The following DOCK2 variants were observed in gnomAD, a reference collection of about 807,000 sequenced individuals.
DOCK2 encodes dedicator of cytokinesis 2, also known as dedicator of cytokinesis protein 2.
In DOCK2, 87 loss-of-function variants were observed where a neutral mutation model predicts 248.9. That is an observed-to-expected ratio of 0.35 (90% CI 0.29 to 0.42). The LOEUF is 0.42. Among genes scored for constraint, DOCK2 ranks in the 10% least tolerant of loss-of-function variants. The pLI is 1.00. For synonymous variants in DOCK2, 805 were observed against 821.6 expected, an observed-to-expected ratio of 0.98 and a Z score of 0.35; for missense variants, 1,747 against 2,300.2, an observed-to-expected ratio of 0.76 and a Z score of 4.92.
At chr5:169,696,403 G>A (rs185580998) in intron 10 of DOCK2, among the ~76,000 whole-genome samples, 295 of 152,336 alleles carry the variant, frequency 1.9e-3, no homozygotes, top group African/African-American at 6.8e-3. Flanking sequence ...GCATGAGGCT[G>A]CTGTACAGCA....
intron 35 of DOCK2, among the ~76,000 whole-genome samples, chr5:170,036,056 C>G (rs1756312775): frequency 1.3e-5 from 2 of 152,110 alleles, no homozygotes; most frequent in South Asian, 4.1e-4. Flanking sequence ...CCTGATAGTT[C>G]TGCACTATCA....
At chr5:169,906,114 G>A (rs965873857) in intron 27 of DOCK2, among the ~76,000 whole-genome samples, 1 of 152,150 alleles carries the variant, frequency 6.6e-6, no homozygotes, top group Non-Finnish European at 1.5e-5. Flanking sequence ...ACGGTCCTGA[G>A]TTCGACCTTC....
intron 27 of DOCK2, among the ~76,000 whole-genome samples, chr5:169,981,660 T>C (rs1308845970): frequency 6.6e-6 from 1 of 152,160 alleles, no homozygotes; most frequent in Non-Finnish European, 1.5e-5. Flanking sequence ...GCCACTCTAG[T>C]CTTCAGCAAC....
At position 169,712,227 on chromosome 5, in the gene DOCK2, C is replaced by T; in HGVS notation, c.1659+4C>T. On this transcript the variant is annotated splice_donor_region_variant and intron_variant, in intron 17 of 51. Transcript: ENST00000520908. ...CCATGACTTAGTTGTCCTCAAGGTA[C>T]CATGAGTTGGAAGGAGCTCTGCACT... 6.2e-7 allele frequency: 1 copy of T among 1,613,662 alleles called. No homozygotes were observed. The highest frequency in any genetic ancestry group is 1.1e-5 in the South Asian group (1 of 91,076).
At chr5:169,914,758 C>A (rs1294907559) in intron 27 of DOCK2, among the ~76,000 whole-genome samples, 1 of 152,194 alleles carries the variant, frequency 6.6e-6, no homozygotes, top group Non-Finnish European at 1.5e-5. Context: ...GGTCTTTTAG[C>A]CACCTTTGCC....
chr5:169,788,228 C>T (rs1385975446), intron 25 of DOCK2, among the ~76,000 whole-genome samples: 4 of 152,158 alleles, frequency 2.6e-5, no homozygotes, highest in East Asian at 1.9e-4. Context: ...CCTGTACACC[C>T]GTGTGTCATA....
intron 22 of DOCK2, among the ~76,000 whole-genome samples, chr5:169,721,746 T>A (rs1159897762): frequency 6.6e-6 from 1 of 152,232 alleles, no homozygotes; most frequent in Non-Finnish European, 1.5e-5. Context: ...TTTTCCTGTG[T>A]CAGTATGCAA....
In DOCK2 at chr5:169,935,587, C is replaced by T. The variant is rs144768017; in HGVS notation, c.2800-47481C>T. On this transcript the variant is annotated intron_variant, in intron 27 of 51. Coordinates refer to ENST00000520908, the MANE Select transcript of DOCK2 (RefSeq NM_004946.3). Reference sequence around the variant, plus strand: ...CACCAAGACATGCTGGTGGAGAAGTCGGAGTTTTATCACGTCCTACCTACT... The same window carrying T: ...CACCAAGACATGCTGGTGGAGAAGTTGGAGTTTTATCACGTCCTACCTACT... Among the ~76,000 whole-genome samples the T allele has an allele frequency of 4.5e-3, 687 of 152,248 alleles. 3 individuals carry two copies. Among genetic ancestry groups the T allele is most frequent in the Non-Finnish European group, 8.3e-3 (567 of 68,002 alleles).
At chr5:170,061,510 C>T (rs930240405) in intron 44 of DOCK2, among the ~76,000 whole-genome samples, 4 of 152,224 alleles carry the variant, frequency 2.6e-5, no homozygotes, top group Non-Finnish European at 5.9e-5. Context: ...ATGATCATTA[C>T]TTTTATTCCT....
chr5:169,674,480 C>A, intron 6 of DOCK2, 35 bp downstream of exon 6: 3 of 1,609,656 alleles, frequency 1.9e-6, no homozygotes, highest in Non-Finnish European at 2.5e-6. Flanking sequence ...AGGTTTTCTT[C>A]CCCCAGCCAT....
chr5:169,756,753 C>G (rs1259221967), intron 23 of DOCK2, among the ~76,000 whole-genome samples: 1 of 152,038 alleles, frequency 6.6e-6, no homozygotes, highest in Non-Finnish European at 1.5e-5. Flanking sequence ...TGGTGAAACC[C>G]CATCTCAACT....
At chr5:169,838,636 G>A (rs573808811) in intron 26 of DOCK2, among the ~76,000 whole-genome samples, 3 of 152,318 alleles carry the variant, frequency 2.0e-5, no homozygotes, top group Admixed American at 6.5e-5. Context: ...AGTGTCAGGA[G>A]TAGAAAGGGC....
chr5:169,798,779 A>T (rs1453853033), intron 25 of DOCK2, among the ~76,000 whole-genome samples: 1 of 152,176 alleles, frequency 6.6e-6, no homozygotes, highest in African/African-American at 2.4e-5. Context: ...GTGTAGAATG[A>T]CTGACTGAAA....
At chr5:170,029,163 C>T (rs563671449) in intron 34 of DOCK2, among the ~76,000 whole-genome samples, 4 of 152,292 alleles carry the variant, frequency 2.6e-5, no homozygotes, top group African/African-American at 9.6e-5. Flanking sequence ...GACTATTTTC[C>T]AAAGTGGCAG....
intron 27 of DOCK2, among the ~76,000 whole-genome samples, chr5:169,920,063 G>C (rs1011315122): frequency 6.6e-6 from 1 of 152,136 alleles, no homozygotes; most frequent in Non-Finnish European, 1.5e-5. Context: ...ACACAACTTT[G>C]TGAGATAATG....
chr5:169,835,063 T>G (rs434699), intron 26 of DOCK2, among the ~76,000 whole-genome samples: 69,616 of 151,752 alleles, frequency 0.46, 16,876 homozygotes, highest in African/African-American at 0.62. Flanking sequence ...GGGGGTGGCA[T>G]GAAATGAGGA....
Position 169,839,040 on chromosome 5 carries a change from G to A in DOCK2, c.2704-1717G>A, listed in dbSNP as rs370415776. On this transcript the variant is annotated intron_variant, in intron 26 of 51. Coordinates refer to ENST00000520908, the MANE Select transcript of DOCK2 (RefSeq NM_004946.3). ...TGACAAAACCACACTTAAGTTTAAT[G>A]CGGTAAAGCTTGCTGGAGTACTTGT... Among the ~76,000 whole-genome samples the A allele has an allele frequency of 3.2e-4, 49 of 152,268 alleles. 1 individual carries two copies. The highest frequency in any genetic ancestry group is 1.1e-3 in the African/African-American group (47 of 41,558).
chr5:169,955,415 G>A (rs1416478489), intron 27 of DOCK2, among the ~76,000 whole-genome samples: 1 of 152,128 alleles, frequency 6.6e-6, no homozygotes, highest in Non-Finnish European at 1.5e-5. Flanking sequence ...GACTGGGAGG[G>A]AAGAAAGGAG....
chr5:169,956,193 A>G (rs1054744331), intron 27 of DOCK2, among the ~76,000 whole-genome samples: 116 of 152,330 alleles, frequency 7.6e-4, no homozygotes, highest in African/African-American at 2.7e-3. Flanking sequence ...GATGGTCTCT[A>G]AGATTCATCC....
Sources: allele counts gnomAD v4.1 joint callset (sites outside exome capture counted in the v4.1 genomes callset), GRCh38; gene constraint gnomAD v4.1.1; transcripts MANE v1.5; gene names NCBI Gene and HGNC (gene_info 2026-07-23, HGNC 2026-07-21).